The following QTMAN variants were observed in gnomAD, a reference collection of about 807,000 sequenced individuals.
The protein encoded by QTMAN is queuosine-tRNA mannosyltransferase.
the QTMAN span, among the ~76,000 whole-genome samples, chr2:143,987,205 G>C: frequency 2.6e-5 from 4 of 152,168 alleles, no homozygotes; most frequent in Admixed American, 2.0e-4. Context: ...GGGATATCAA[G>C]GTGCCACCAA....
the QTMAN span, among the ~76,000 whole-genome samples, chr2:144,171,890 A>G: frequency 1.3e-5 from 2 of 152,186 alleles, no homozygotes; most frequent in African/African-American, 2.4e-5. Flanking sequence ...CTTCAAAAAA[A>G]TATCTTCACT....
the QTMAN span, among the ~76,000 whole-genome samples, chr2:144,317,274 G>A: frequency 3.9e-5 from 6 of 152,140 alleles, no homozygotes; most frequent in Middle Eastern, 3.4e-3. Flanking sequence ...GGATTTTGAG[G>A]TTGGAGGGAA....
At chr2:144,009,998 G>A in the QTMAN span, among the ~76,000 whole-genome samples, 2 of 147,104 alleles carry the variant, frequency 1.4e-5, no homozygotes, top group East Asian at 4.0e-4. Flanking sequence ...GTCAGATAAA[G>A]AGTGCCAGGC....
At chr2:144,090,907 G>T in the QTMAN span, among the ~76,000 whole-genome samples, 1 of 151,854 alleles carries the variant, frequency 6.6e-6, no homozygotes, top group Non-Finnish European at 1.5e-5. Flanking sequence ...AAGTTAAAAA[G>T]AAAAAATTTG....
chr2:144,263,173 AT>A, the QTMAN span, among the ~76,000 whole-genome samples: 923 of 140,844 alleles, frequency 6.6e-3, 5 homozygotes, highest in African/African-American at 0.012. Context: ...TCCCTCTTTC[AT>A]TTTTTTTTTT....
At chr2:144,210,852 C>T in the QTMAN span, 1 of 152,084 alleles carries the variant, frequency 6.6e-6, no homozygotes, top group African/African-American at 2.4e-5. Flanking sequence ...TACCATCTTG[C>T]TTTATTTCCT....
At chr2:143,949,873 AAC>A in the QTMAN span, among the ~76,000 whole-genome samples, 1 of 151,796 alleles carries the variant, frequency 6.6e-6, no homozygotes, top group East Asian at 1.9e-4. Context: ...ATCCTATAAC[AAC>A]ACACAAACTA....
the QTMAN span, among the ~76,000 whole-genome samples, chr2:144,202,854 A>C: frequency 5.3e-5 from 8 of 152,200 alleles, no homozygotes; most frequent in Non-Finnish European, 1.2e-4. Context: ...TTTTAAAATA[A>C]GCTAGAAAGG....
chr2:144,213,777 A>C, the QTMAN span, among the ~76,000 whole-genome samples: 1 of 152,230 alleles, frequency 6.6e-6, no homozygotes, highest in Non-Finnish European at 1.5e-5. Flanking sequence ...AAAGCAAAAA[A>C]CAATGGGCTT....
At chr2:144,008,110 T>C in the QTMAN span, among the ~76,000 whole-genome samples, 1 of 152,248 alleles carries the variant, frequency 6.6e-6, no homozygotes, top group Admixed American at 6.5e-5. Context: ...TCAATGTCTG[T>C]TACTTATCGA....
At chr2:144,215,492 A>G in the QTMAN span, among the ~76,000 whole-genome samples, 1 of 152,160 alleles carries the variant, frequency 6.6e-6, no homozygotes, top group Admixed American at 6.5e-5. Context: ...CTGGATAAGT[A>G]TATATTAAAA....
the QTMAN span, among the ~76,000 whole-genome samples, chr2:144,277,616 T>A: frequency 6.6e-6 from 1 of 152,186 alleles, no homozygotes; most frequent in Non-Finnish European, 1.5e-5. Flanking sequence ...TCTATTTAGA[T>A]TCTTACACTG....
chr2:144,257,308 T>C, the QTMAN span, among the ~76,000 whole-genome samples: 1 of 152,066 alleles, frequency 6.6e-6, no homozygotes, highest in South Asian at 2.1e-4. Context: ...CCCATTCCAG[T>C]AAACTCTAAT....
At chr2:144,025,088 A>T in the QTMAN span, among the ~76,000 whole-genome samples, 1 of 152,188 alleles carries the variant, frequency 6.6e-6, no homozygotes, top group African/African-American at 2.4e-5. Flanking sequence ...CAAACGCTAA[A>T]CAGAGGTGCT....
chr2:144,228,358 T>C, the QTMAN span, among the ~76,000 whole-genome samples: 2 of 152,236 alleles, frequency 1.3e-5, no homozygotes, highest in Admixed American at 6.5e-5. Context: ...TACAATTTTC[T>C]GTAATCTGAA....
the QTMAN span, among the ~76,000 whole-genome samples, chr2:144,289,817 A>C: frequency 6.2e-4 from 94 of 152,352 alleles, no homozygotes; most frequent in African/African-American, 2.2e-3. Flanking sequence ...GACACACTTT[A>C]TTTTCAAAGA....
chr2:143,949,567 T>A, the QTMAN span, among the ~76,000 whole-genome samples: 1 of 151,924 alleles, frequency 6.6e-6, no homozygotes, highest in Non-Finnish European at 1.5e-5. Context: ...TTCAGTGACA[T>A]TCTATCCTTT....
At chr2:144,277,209 C>T in the QTMAN span, among the ~76,000 whole-genome samples, 2 of 151,930 alleles carry the variant, frequency 1.3e-5, no homozygotes, top group East Asian at 1.9e-4. Flanking sequence ...TTTATTTTTA[C>T]TTTTTTTAAT....
At chr2:144,158,464 GGC>G in the QTMAN span, among the ~76,000 whole-genome samples, 1 of 151,920 alleles carries the variant, frequency 6.6e-6, no homozygotes, top group Non-Finnish European at 1.5e-5. Context: ...AAGTGTGTGA[GGC>G]TGTGTGTGGA....
Sources: gnomAD v4.1 joint callset for allele counts (sites outside exome capture counted in the v4.1 genomes callset) on GRCh38, gnomAD v4.1.1 for gene constraint, MANE v1.5 for transcripts, NCBI Gene and HGNC (gene_info 2026-07-23, HGNC 2026-07-21) for gene names.